Variants in BBS9 observed in about 807,000 individuals in gnomAD.
BBS9 encodes protein PTHB1.
Under a neutral mutation model 117.7 loss-of-function variants are expected in BBS9, and 89 were observed. That is an observed-to-expected ratio of 0.76 (90% confidence interval 0.64 to 0.90). The LOEUF (loss-of-function observed/expected upper bound fraction) is 0.90. BBS9 is among the 40% of genes least tolerant of loss of function. The pLI is 0.00. For synonymous variants in BBS9, 379 were observed against 370.9 expected, an observed-to-expected ratio of 1.02 and a Z score of -0.25; for missense variants, 982 against 1,042.2, an observed-to-expected ratio of 0.94 and a Z score of 0.80.
chr7:33,297,795 T>C (rs1187664132), intron 9 of BBS9, among the ~76,000 whole-genome samples: 1 of 152,170 alleles, frequency 6.6e-6, no homozygotes, highest in Non-Finnish European at 1.5e-5. Flanking sequence ...GATGCTTCTC[T>C]TTAAAAATTG....
chr7:33,444,262 TTC>T (rs1836651521), intron 19 of BBS9, among the ~76,000 whole-genome samples: 1 of 152,232 alleles, frequency 6.6e-6, no homozygotes, highest in African/African-American at 2.4e-5. Flanking sequence ...TCATTCTCTA[TTC>T]TTAAACTGTT....
intron 9 of BBS9, chr7:33,276,749 A>AT (rs1800852470): frequency 6.6e-6 from 1 of 152,292 alleles, no homozygotes; most frequent in Non-Finnish European, 1.5e-5. Flanking sequence ...TATGTGAATG[A>AT]AAAGCCCTGC....
intron 4 of BBS9, among the ~76,000 whole-genome samples, chr7:33,173,449 C>G (rs779841399): frequency 6.6e-6 from 1 of 151,476 alleles, no homozygotes; most frequent in African/African-American, 2.4e-5. Context: ...GGCGTGGTGG[C>G]AGGTCCCAGC....
intron 19 of BBS9, among the ~76,000 whole-genome samples, chr7:33,490,968 A>T (rs180969392): frequency 1.3e-5 from 2 of 152,240 alleles, no homozygotes; most frequent in Admixed American, 1.3e-4. Context: ...TCAGCATCTT[A>T]AACCACCAGT....
At chr7:33,551,000 C>T (rs1472163171) in intron 21 of BBS9, among the ~76,000 whole-genome samples, 1 of 152,060 alleles carries the variant, frequency 6.6e-6, no homozygotes, top group East Asian at 1.9e-4. Context: ...ACTCCAGTGT[C>T]ATGTGGAAAA....
chr7:33,541,255 C>T (rs1207964858), intron 21 of BBS9, among the ~76,000 whole-genome samples: 1 of 152,138 alleles, frequency 6.6e-6, no homozygotes, highest in Admixed American at 6.5e-5. Context: ...ACTCAATGCC[C>T]AGGCCAGAGG....
At chr7:33,530,136 C>CT (rs1161235116) in intron 20 of BBS9, among the ~76,000 whole-genome samples, 25 of 152,250 alleles carry the variant, frequency 1.6e-4, no homozygotes, top group African/African-American at 5.8e-4. Flanking sequence ...CTCAAAGGCT[C>CT]TTTTTTTGTC....
At chr7:33,344,328 C>CAA in intron 11 of BBS9, among the ~76,000 whole-genome samples, 1 of 152,034 alleles carries the variant, frequency 6.6e-6, no homozygotes, top group East Asian at 1.9e-4. Flanking sequence ...CTCGGCCTCC[C>CAA]AAAGTGCTGG....
chr7:33,241,800 AT>A (rs1794577030), intron 5 of BBS9, among the ~76,000 whole-genome samples: 1 of 152,012 alleles, frequency 6.6e-6, no homozygotes, highest in African/African-American at 2.4e-5. Flanking sequence ...TCGCTTGGTC[AT>A]TGATAAGGTC....
intron 21 of BBS9, among the ~76,000 whole-genome samples, chr7:33,543,469 C>T (rs1342292431): frequency 6.6e-6 from 1 of 152,108 alleles, no homozygotes; most frequent in Non-Finnish European, 1.5e-5. Context: ...TAATTAGATC[C>T]CAGCTAATTT....
intron 21 of BBS9, among the ~76,000 whole-genome samples, chr7:33,578,258 A>C (rs2129152945): frequency 6.6e-6 from 1 of 152,310 alleles, no homozygotes. Flanking sequence ...TAGAGATTTT[A>C]AGCAATTTGC....
chr7:33,432,208 A>G (rs1834597774), intron 19 of BBS9, among the ~76,000 whole-genome samples: 1 of 148,888 alleles, frequency 6.7e-6, no homozygotes, highest in African/African-American at 2.5e-5. Flanking sequence ...TCCCAGGTTC[A>G]CGCCGTTCTC....
intron 19 of BBS9, among the ~76,000 whole-genome samples, chr7:33,494,730 T>C (rs1844482562): frequency 6.6e-6 from 1 of 152,250 alleles, no homozygotes; most frequent in South Asian, 2.1e-4. Flanking sequence ...GAATGCCTGC[T>C]GTGAGCCAGA....
At chr7:33,512,199 G>A (rs1847071117) in intron 20 of BBS9, among the ~76,000 whole-genome samples, 1 of 152,146 alleles carries the variant, frequency 6.6e-6, no homozygotes, top group Admixed American at 6.6e-5. Flanking sequence ...CACTACAGTT[G>A]AATATGGTAT....
chr7:33,194,535 AT>A (rs57647672), intron 5 of BBS9, among the ~76,000 whole-genome samples: 2,583 of 150,542 alleles, frequency 0.017, 62 homozygotes, highest in African/African-American at 0.059. Context: ...TTTAAAACTA[AT>A]CCCAATGCTG....
Position 33,172,407 on chromosome 7 carries a change from T to A in BBS9, c.329-5071T>A, listed in dbSNP as rs80109401. Among the ~76,000 whole-genome samples the A allele has an allele frequency of 0.018, 2,702 of 148,068 alleles. 225 individuals are homozygous for A. In the East Asian group the frequency reaches 0.28, roughly 15 times the overall value. Reference sequence around the variant, plus strand: ...AAAAAAAAATAATAAAAAAAAAAAATGAAAAGAACACGACTCTAGACCTCG... The same window carrying A: ...AAAAAAAAATAATAAAAAAAAAAAAAGAAAAGAACACGACTCTAGACCTCG... On this transcript the variant is annotated intron_variant, in intron 4 of 22. Transcript: ENST00000242067.
chr7:33,472,762 C>T (rs1344241128), intron 19 of BBS9, among the ~76,000 whole-genome samples: 1 of 152,198 alleles, frequency 6.6e-6, no homozygotes, highest in Non-Finnish European at 1.5e-5. Context: ...CATACGGTAG[C>T]ATTACCCCCA....
At chr7:33,538,156 C>A (rs539514703) in intron 21 of BBS9, among the ~76,000 whole-genome samples, 6 of 152,104 alleles carry the variant, frequency 3.9e-5, no homozygotes, top group Non-Finnish European at 7.3e-5. Flanking sequence ...CATAATGGGC[C>A]GTAGCTTCAG....
intron 5 of BBS9, among the ~76,000 whole-genome samples, chr7:33,203,462 A>G (rs1786280649): frequency 6.6e-6 from 1 of 152,084 alleles, no homozygotes; most frequent in South Asian, 2.1e-4. Context: ...TGGTTCTTAC[A>G]TTTTAGTGTA....
Sources: allele counts gnomAD v4.1 joint callset (sites outside exome capture counted in the v4.1 genomes callset), GRCh38; gene constraint gnomAD v4.1.1; transcripts MANE v1.5; gene names NCBI Gene and HGNC (gene_info 2026-07-23, HGNC 2026-07-21).